NLRP4: variants seen among roughly 807,000 people sequenced by gnomAD.
NLRP4 encodes NLR family pyrin domain containing 4, also known as NACHT, LRR and PYD domains-containing protein 4.
Under a neutral mutation model 84.7 loss-of-function variants are expected in NLRP4, and 44 were observed. The ratio of observed to expected loss-of-function variants is 0.52; its 90% confidence interval spans 0.41 to 0.67. NLRP4 has a LOEUF of 0.67. NLRP4 is among the 30% of genes least tolerant of loss of function. The pLI is 0.00. For missense variants in NLRP4, 1,260 were observed against 1,219.4 expected, an observed-to-expected ratio of 1.03 and a Z score of -0.50; for synonymous variants, 544 against 476.4, an observed-to-expected ratio of 1.14 and a Z score of -1.85.
intron 3 of NLRP4, 82 bp from the exon 4 acceptor site, chr19:55,861,304 A>T: frequency 4.2e-6 from 5 of 1,177,782 alleles, no homozygotes; most frequent in Non-Finnish European, 2.4e-6. Context: ...CTGTTTGAGA[A>T]GACAGCGTAG....
intron 8 of NLRP4, 93 bp downstream of exon 8, chr19:55,877,259 C>T (rs1374534764): frequency 1.7e-6 from 2 of 1,158,280 alleles, no homozygotes; most frequent in Non-Finnish European, 2.5e-6. Context: ...TCCAACAGGA[C>T]CACATAGCAG....
chr19:55,868,222 C>T (rs751103382), intron 6 of NLRP4, among the ~76,000 whole-genome samples: 6 of 152,082 alleles, frequency 3.9e-5, no homozygotes, highest in Admixed American at 6.5e-5. Flanking sequence ...ACGGTTATTT[C>T]GAGCATGTAG....
rs187013839 is a variant in NLRP4, at chr19:55,871,624, A to T, written c.2525+627A>T. Among the ~76,000 whole-genome samples the T allele has an allele frequency of 1.7e-3, 263 of 152,342 alleles. 4 individuals carry two copies. The East Asian group carries it at 0.024, about 14-fold the overall frequency. Reference sequence around the variant, plus strand: ...AATACAGAGGCTTCTGAAATCTGGCAGCGTGATTTTTACCTAATCCATTAG... The same window carrying T: ...AATACAGAGGCTTCTGAAATCTGGCTGCGTGATTTTTACCTAATCCATTAG... On this transcript the variant is annotated intron_variant, in intron 7 of 9. Transcript: ENST00000301295.
chr19:55,853,755 T>TTC (rs113515986), intron 2 of NLRP4, among the ~76,000 whole-genome samples: 17,608 of 148,804 alleles, frequency 0.12, 2,681 homozygotes, highest in African/African-American at 0.35. Flanking sequence ...TTCTTTCTCT[T>TTC]TCTCTTTCTC....
rs1037308808 is a variant in NLRP4 at position 55,871,047 on chromosome 19, T to C, written c.2525+50T>C. 9.1e-6 allele frequency: 14 copies of C among 1,534,498 alleles called. No homozygotes were observed. In the African/African-American group the frequency reaches 1.6e-4, roughly 18 times the overall value. On this transcript the variant is annotated intron_variant, in intron 7 of 9. Transcript: ENST00000301295. ...AGACCAAGCCGTCTTTTCAAGGGCA[T>C]GCACTGCTGAGAATGGGGCATCTGG... is the stretch of plus-strand genomic sequence containing the variant.
At chr19:55,841,606 T>C (rs1340056512) in intron 1 of NLRP4, among the ~76,000 whole-genome samples, 3 of 152,214 alleles carry the variant, frequency 2.0e-5, no homozygotes, top group Non-Finnish European at 4.4e-5. Context: ...CTCATGCCTG[T>C]AATCCCAGCA....
rs548500182 is a variant in NLRP4, at chr19:55,877,275, T to A, written c.2696+109T>A. ...CCAACAGGACCACATAGCAGCTAGC[T>A]GTGGTTGCATCATGAACCAGTGTAA... is the stretch of plus-strand genomic sequence containing the variant. On this transcript the variant is annotated intron_variant, in intron 8 of 9. Coordinates refer to ENST00000301295, the MANE Select transcript of NLRP4 (RefSeq NM_134444.5). 1.1e-5 allele frequency: 11 copies of A among 989,904 alleles called. No individual in the cohort carries two copies. The South Asian group carries it at 1.6e-4, about 15-fold the overall frequency. The allele number at this position is 989,904 out of a possible 1,614,324, so 61.3% of individuals were successfully genotyped here.
rs1433152791 is a variant in NLRP4, at chr19:55,838,438, G to T, written c.-66+1504G>T. Among the ~76,000 whole-genome samples, 5 of 151,998 alleles carry T rather than the reference G, an allele frequency of 3.3e-5. No homozygotes were observed. In the South Asian group the frequency reaches 8.3e-4, roughly 25 times the overall value. On this transcript the variant is annotated intron_variant, in intron 1 of 9. Coordinates refer to ENST00000301295, the MANE Select transcript of NLRP4 (RefSeq NM_134444.5). Reference sequence around the variant, plus strand: ...AGAAGCCAGTAAGAGGCAAGGAAGGGCTCCCCTGGGTTTCAGAGAGAGCAG... The same window carrying T: ...AGAAGCCAGTAAGAGGCAAGGAAGGTCTCCCCTGGGTTTCAGAGAGAGCAG...
chr19:55,843,323 G>A (rs1983681814), intron 1 of NLRP4, among the ~76,000 whole-genome samples: 1 of 152,024 alleles, frequency 6.6e-6, no homozygotes, highest in Admixed American at 6.6e-5. Flanking sequence ...TCTAGACATG[G>A]GTTTGTTATT....
rs146107289 is a variant in NLRP4, at chr19:55,863,656, C to T, written c.2186+1497C>T. On this transcript the variant is annotated intron_variant, in intron 5 of 9. Coordinates refer to ENST00000301295, the MANE Select transcript of NLRP4 (RefSeq NM_134444.5). Reference sequence around the variant, plus strand: ...CGTGAGGGTTGGGTGGGGACACAGCCGAACCATATCAGACAGCGGTTACTT... The same window carrying T: ...CGTGAGGGTTGGGTGGGGACACAGCTGAACCATATCAGACAGCGGTTACTT... Among the ~76,000 whole-genome samples the T allele has an allele frequency of 1.3e-3, 202 of 152,150 alleles. No homozygotes were observed. The East Asian group carries it at 0.022, about 17-fold the overall frequency.
At position 55,849,998 on chromosome 19, in the gene NLRP4, C is replaced by CGGTGTGATTTCCGTAGCTGT. The variant is rs1568658344; in HGVS notation, c.-65-2005_-65-2004insTAGCTGTGGTGTGATTTCCG. Among the ~76,000 whole-genome samples, 10 of 30,422 alleles carry CGGTGTGATTTCCGTAGCTGT rather than the reference C, an allele frequency of 3.3e-4. 1 individual carries two copies. Among genetic ancestry groups the CGGTGTGATTTCCGTAGCTGT allele is most frequent in the South Asian group, 1.0e-3 (1 of 974 alleles). 20.0% of individuals were successfully genotyped at this position (30,422 alleles called of 152,430 possible). A position where few individuals can be genotyped will look rare whatever the true frequency, so the allele number is the denominator to read the frequency against. Reference sequence around the variant, plus strand: ...AGCTGCGGTGTAATTTCCGAGACTGCGGTGTGATTTCCGAGACTGCGGTGT... The same window carrying CGGTGTGATTTCCGTAGCTGT: ...AGCTGCGGTGTAATTTCCGAGACTGCGGTGTGATTTCCGTAGCTGTGGTGTGATTTCCGAGACTGCGGTGT... On this transcript the variant is annotated intron_variant, in intron 1 of 9. Coordinates refer to ENST00000301295, the MANE Select transcript of NLRP4 (RefSeq NM_134444.5).
At chr19:55,856,335 C>G (rs983313130) in intron 2 of NLRP4, among the ~76,000 whole-genome samples, 7 of 151,922 alleles carry the variant, frequency 4.6e-5, no homozygotes, top group African/African-American at 1.7e-4. Context: ...ACAGAAGAGT[C>G]CAGCGTCTGT....
rs868526766 is a variant in NLRP4, at chr19:55,859,080, C to T, written c.1687C>T (p.Pro563Ser). 1.2e-6 allele frequency: 2 copies of T among 1,613,830 alleles called. No individual in the cohort carries two copies. Among genetic ancestry groups the T allele is most frequent in the Non-Finnish European group, 1.7e-6 (2 of 1,179,746 alleles). ...TTACTGTCTCTTTGAAATGCAGGAT[C>T]CTGCCTTTGTGAAGCAGGCAGTGAA... is the stretch of plus-strand genomic sequence containing the variant. The part of the protein sequence containing the change: ...IFYCLFEMQD[P>S]AFVKQAVNLL... Residue 563 changes from proline (P) to serine (S), a missense_variant, in exon 3 of 10, where the codon CCT (proline) becomes TCT (serine). Transcript: ENST00000301295.
intron 5 of NLRP4, among the ~76,000 whole-genome samples, chr19:55,865,995 C>T (rs1028054746): frequency 3.9e-5 from 6 of 152,080 alleles, no homozygotes; most frequent in African/African-American, 1.2e-4. Context: ...CATTGCCTAA[C>T]CCAAATTCAT....
intron 3 of NLRP4, among the ~76,000 whole-genome samples, chr19:55,861,005 G>C (rs763035323): frequency 1.3e-5 from 2 of 152,170 alleles, no homozygotes; most frequent in Non-Finnish European, 2.9e-5. Flanking sequence ...TTGGATGTGA[G>C]ACAGGGTTTC....
At chr19:55,876,815 A>G (rs1354726936) in intron 7 of NLRP4, among the ~76,000 whole-genome samples, 181 bp from the exon 8 acceptor site, 2 of 152,016 alleles carry the variant, frequency 1.3e-5, no homozygotes, top group African/African-American at 4.8e-5. Flanking sequence ...GTTGCGTGTT[A>G]TGTGTTATTG....
Position 55,858,742 on chromosome 19 carries a change from TC to T in NLRP4, c.1351del (p.Leu451SerfsTer27), listed in dbSNP as rs1984580237. On this transcript the variant is annotated frameshift_variant, in exon 3 of 10. Transcript: ENST00000301295. LOFTEE classifies it high-confidence loss of function. The surrounding 1 kb of genome is among the most constrained non-coding windows in gnomAD (Gnocchi z 4.2). ...KYGERESSYV[F>X]LHVCIQEFCA... ...GGGGAGCGTGAGAGCTCCTACGTGT[TC>T]CTCCACGTGTGTATCCAGGAGTTCT... 6.2e-7 allele frequency: 1 copy of T among 1,614,120 alleles called. No homozygotes were observed. The highest frequency in any genetic ancestry group is 1.3e-5 in the African/African-American group (1 of 75,038).
At chr19:55,849,231 G>T (rs1459264787) in intron 1 of NLRP4, among the ~76,000 whole-genome samples, 2 of 152,144 alleles carry the variant, frequency 1.3e-5, no homozygotes, top group African/African-American at 2.4e-5. Context: ...CTTTCAGCCT[G>T]CCCTGGGTTT....
At chr19:55,850,178 C>T (rs1171731922) in intron 1 of NLRP4, among the ~76,000 whole-genome samples, 4 of 141,878 alleles carry the variant, frequency 2.8e-5, no homozygotes, top group Admixed American at 6.8e-5. Flanking sequence ...TCCGTGGCTG[C>T]GGTGTAATTT....
Sources: gnomAD v4.1 joint callset for allele counts (sites outside exome capture counted in the v4.1 genomes callset) on GRCh38, gnomAD v4.1.1 for gene constraint, Gnocchi (gnomAD v3.1) non-coding constraint, MANE v1.5 for transcripts, NCBI Gene and HGNC (gene_info 2026-07-23, HGNC 2026-07-21) for gene names.